The following NFATC1 variants were observed in gnomAD, a reference collection of about 807,000 sequenced individuals.
NFATC1 encodes the protein nuclear factor of activated T-cells, cytoplasmic 1.
NFATC1 carries 22 observed loss-of-function variants against 76.0 expected under a neutral mutation model. The ratio of observed to expected loss-of-function variants is 0.29; its 90% CI spans 0.21 to 0.41. The LOEUF (loss-of-function observed/expected upper bound fraction) is 0.41, where lower values mean the gene tolerates loss of function less well. Among genes scored for constraint, NFATC1 ranks in the 10% least tolerant of loss-of-function variants. NFATC1 has a pLI of 1.00. For missense variants in NFATC1, 1,357 were observed against 1,337.7 expected (o/e 1.01, Z -0.23); for synonymous variants, 704 against 613.1 (o/e 1.15, Z -2.19).
At chr18:79,413,062 G>T (rs534508753) in intron 2 of NFATC1, among the ~76,000 whole-genome samples, 30 of 152,314 alleles carry the variant, frequency 2.0e-4, no homozygotes, top group African/African-American at 7.2e-4. Flanking sequence ...TTAAGTAAAA[G>T]TACAAGCGTA....
intron 8 of NFATC1, among the ~76,000 whole-genome samples, chr18:79,483,847 G>A (rs139254367): frequency 0.092 from 8,665 of 93,864 alleles, 447 homozygotes; most frequent in Admixed American, 0.14. Context: ...CCAGCGTGAC[G>A]TGGTTCCTGG....
rs575353406 is a variant in NFATC1, at chr18:79,522,773, G to T, written c.2783-4755G>T. On this transcript the variant is annotated intron_variant, in intron 9 of 9. Transcript: ENST00000427363. ...TGGGGCCAGGAGCTGGCTGGGCAGGGTGGGAACCCTCCTGTCCCAGGGTCT... is the reference window on the plus strand; with the variant it reads ...TGGGGCCAGGAGCTGGCTGGGCAGGTTGGGAACCCTCCTGTCCCAGGGTCT... 3.9e-3 allele frequency among the ~76,000 whole-genome samples: 596 copies of T among 152,252 alleles called. 4 individuals are homozygous for T. The highest frequency in any genetic ancestry group is 6.4e-3 in the Non-Finnish European group (437 of 67,986).
intron 8 of NFATC1, among the ~76,000 whole-genome samples, chr18:79,473,357 G>A (rs2088863308): frequency 6.6e-6 from 1 of 152,278 alleles, no homozygotes; most frequent in Admixed American, 6.5e-5. Context: ...CGGCAAGTGA[G>A]AGAAGCGTGT....
In NFATC1 at chr18:79,411,597, G is replaced by A. The variant is rs999505939; in HGVS notation, c.1226+96G>A. 52 of 1,001,082 alleles carry A rather than the reference G, an allele frequency of 5.2e-5. 1 individual carries two copies. In the African/African-American group the frequency reaches 5.4e-4, roughly 10 times the overall value. The allele number at this position is 1,001,082 out of a possible 1,614,324, so 62.0% of individuals were successfully genotyped here. A position where few individuals can be genotyped will look rare whatever the true frequency, so the allele number is the denominator to read the frequency against. On this transcript the variant is annotated intron_variant, in intron 2 of 9. Coordinates refer to ENST00000427363, the MANE Select transcript of NFATC1 (RefSeq NM_001278669.2). ...GGACGGGGGGCGGCGCGGGGCGGCC[G>A]TGTCTGGGGACGAGAGTCAGGACCT...
At chr18:79,447,458 T>C (rs3786196) in intron 3 of NFATC1, among the ~76,000 whole-genome samples, 21,584 of 152,280 alleles carry the variant, frequency 0.14, 1,841 homozygotes, top group Non-Finnish European at 0.19. Flanking sequence ...GATTTTAAAG[T>C]TAGTTTAGTG....
At chr18:79,408,648 G>A (rs538012561) in intron 1 of NFATC1, among the ~76,000 whole-genome samples, 5 of 152,200 alleles carry the variant, frequency 3.3e-5, no homozygotes, top group Admixed American at 6.5e-5. Context: ...GGTGATTAGG[G>A]CACCTTGACA....
At chr18:79,480,306 A>G (rs1048864746) in intron 8 of NFATC1, among the ~76,000 whole-genome samples, 1 of 152,110 alleles carries the variant, frequency 6.6e-6, no homozygotes, top group Non-Finnish European at 1.5e-5. Flanking sequence ...GGCTTCAGAA[A>G]GAGAGGGAGC....
At chr18:79,402,148 G>A (rs933087073) in intron 1 of NFATC1, among the ~76,000 whole-genome samples, 17 of 152,236 alleles carry the variant, frequency 1.1e-4, no homozygotes, top group African/African-American at 3.4e-4. Context: ...CAGCAGCCTC[G>A]GGAAGGACAC....
chr18:79,526,319 G>A (rs2090762841), intron 9 of NFATC1, among the ~76,000 whole-genome samples: 1 of 152,280 alleles, frequency 6.6e-6, no homozygotes, highest in South Asian at 2.1e-4. Flanking sequence ...GGAGCCCTCT[G>A]CAGAGAGCCT....
chr18:79,411,183 A>G lies in NFATC1; in HGVS notation c.908A>G (p.Asn303Ser). 2 of 1,611,624 alleles carry G rather than the reference A, an allele frequency of 1.2e-6. No homozygotes were observed. Among genetic ancestry groups the G allele is most frequent in the Non-Finnish European group, 1.7e-6 (2 of 1,179,846 alleles). The change falls in exon 2 of 10, where the codon AAC becomes AGC. Residue 303 changes from asparagine (N) to serine (S), a missense_variant. This residue lies in a region of NFATC1 where 691 missense variants were observed against 613.1 expected (regional missense o/e 1.13). Coordinates refer to ENST00000427363, the MANE Select transcript of NFATC1 (RefSeq NM_001278669.2). ...VSVTDDSWLG[N>S]TTQYTSSAIV... The stretch of plus-strand genomic sequence containing the variant: ...GTGACCGACGACTCGTGGTTGGGCA[A>G]CACCACCCAGTACACCAGCTCGGCC...
chr18:79,483,231 T>TC (rs1397622344), intron 8 of NFATC1, among the ~76,000 whole-genome samples: 1 of 128,304 alleles, frequency 7.8e-6, no homozygotes, highest in Non-Finnish European at 1.7e-5. Flanking sequence ...CGTGACCTGG[T>TC]CCTGGGGTGT....
At position 79,446,599 on chromosome 18, in the gene NFATC1, C is replaced by T. The variant is rs189838407; in HGVS notation, c.1387-2183C>T. Among the ~76,000 whole-genome samples, 65 of 152,222 alleles carry T rather than the reference C, an allele frequency of 4.3e-4. 1 individual carries two copies. The highest frequency in any genetic ancestry group is 3.4e-3 in the Middle Eastern group (1 of 294). ...TCGGGAAGTTCATTAACTTGGCAAA[C>T]GGCTGGAGTCTCTCTTCCGAGGAGC... is the stretch of plus-strand genomic sequence containing the variant. On this transcript the variant is annotated intron_variant, in intron 3 of 9. Coordinates refer to ENST00000427363, the MANE Select transcript of NFATC1 (RefSeq NM_001278669.2).
At chr18:79,487,765 G>A (rs1019440808) in intron 9 of NFATC1, among the ~76,000 whole-genome samples, 5 of 152,114 alleles carry the variant, frequency 3.3e-5, no homozygotes, top group African/African-American at 9.7e-5. Context: ...TGGTGACCAC[G>A]CGTTAGAGGG....
chr18:79,507,095 G>A (rs2090134857), intron 9 of NFATC1, among the ~76,000 whole-genome samples: 1 of 152,226 alleles, frequency 6.6e-6, no homozygotes, highest in Admixed American at 6.5e-5. Context: ...AGCTGATGGA[G>A]CAGGACGCTG....
intron 8 of NFATC1, among the ~76,000 whole-genome samples, chr18:79,471,837 C>T (rs900269423): frequency 5.3e-5 from 8 of 152,186 alleles, no homozygotes; most frequent in Non-Finnish European, 1.0e-4. Flanking sequence ...CAGGGGTGGG[C>T]GTGGGCCCCG....
At chr18:79,413,376 G>A (rs890517185) in intron 2 of NFATC1, among the ~76,000 whole-genome samples, 2 of 152,234 alleles carry the variant, frequency 1.3e-5, no homozygotes, top group Non-Finnish European at 2.9e-5. Flanking sequence ...GCCGAGATCA[G>A]GGGCTGTTCT....
Position 79,461,330 on chromosome 18 carries a change from G to C in NFATC1, c.1923G>C (p.Glu641Asp). Residue 641 changes from glutamate to aspartate, a missense_variant, in exon 7 of 10, where the codon GAG (glutamate) becomes GAC (aspartate). This residue lies in a region of NFATC1 where 242 missense variants were observed against 329.2 expected (regional missense o/e 0.74). Transcript: ENST00000427363. ...TTCCAGATGGCCACCATGTCTGGGA[G>C]ATGGAAGCGAAAACTGACCGGGACC... ...EKAPDGHHVW[E>D]MEAKTDRDLC... 2.0e-6 allele frequency: 3 copies of C among 1,511,594 alleles called. No individual in the cohort carries two copies. The highest frequency in any genetic ancestry group is 2.6e-6 in the Non-Finnish European group (3 of 1,141,258). The allele number at this position is 1,511,594 out of a possible 1,614,324, so 93.6% of individuals were successfully genotyped here. A position where few individuals can be genotyped will look rare whatever the true frequency, so the allele number is the denominator to read the frequency against.
intron 1 of NFATC1, chr18:79,400,288 G>A (rs2085149807): frequency 8.1e-7 from 1 of 1,230,760 alleles, no homozygotes; most frequent in Middle Eastern, 3.3e-4. Context: ...ACGGGGGGAG[G>A]GGCGGGGGTC....
At chr18:79,436,707 T>G (rs1457299796) in intron 3 of NFATC1, among the ~76,000 whole-genome samples, 2 of 152,168 alleles carry the variant, frequency 1.3e-5, no homozygotes, top group Non-Finnish European at 2.9e-5. Context: ...GTGCTCGCTC[T>G]TACTTGTGGG....
Sources: allele counts gnomAD v4.1 joint callset (sites outside exome capture counted in the v4.1 genomes callset), GRCh38; gene constraint gnomAD v4.1.1; regional missense constraint gnomAD v4.1.1; transcripts MANE v1.5; gene names NCBI Gene and HGNC (gene_info 2026-07-23, HGNC 2026-07-21).